Variants in SEMA6D observed in about 807,000 individuals in gnomAD.
SEMA6D encodes semaphorin-6D.
In SEMA6D, 35 loss-of-function variants were observed where a neutral mutation model predicts 106.6. The ratio of observed to expected loss-of-function variants is 0.33; its 90% CI spans 0.25 to 0.44. The LOEUF (loss-of-function observed/expected upper bound fraction) is 0.44, where lower values mean the gene tolerates loss of function less well. Among genes scored for constraint, SEMA6D ranks in the 20% least tolerant of loss-of-function variants. SEMA6D has a pLI of 1.00. For missense variants in SEMA6D, 1,185 were observed against 1,345.9 expected (o/e 0.88, Z 1.87); for synonymous variants, 499 against 487.7 (o/e 1.02, Z -0.31).
chr15:47,208,967 G>T (rs1255010982), intron 1 of SEMA6D, among the ~76,000 whole-genome samples: 1 of 152,204 alleles, frequency 6.6e-6, no homozygotes, highest in Non-Finnish European at 1.5e-5. Flanking sequence ...TAATAAGAAG[G>T]AGTCCAGTTT....
chr15:47,635,630 T>G (rs1238545642), intron 4 of SEMA6D, among the ~76,000 whole-genome samples: 2 of 152,194 alleles, frequency 1.3e-5, no homozygotes, highest in Non-Finnish European at 2.9e-5. Flanking sequence ...GATTGAGACT[T>G]TAACCTGTGT....
chr15:47,579,173 A>C, intron 3 of SEMA6D, among the ~76,000 whole-genome samples: 2 of 140,738 alleles, frequency 1.4e-5, no homozygotes, highest in African/African-American at 5.3e-5. Flanking sequence ...ACAGAATCTC[A>C]CCCTGTTACC....
intron 3 of SEMA6D, among the ~76,000 whole-genome samples, chr15:47,473,643 A>G (rs2042917962): frequency 6.6e-6 from 1 of 152,184 alleles, no homozygotes; most frequent in Non-Finnish European, 1.5e-5. Flanking sequence ...ATGCTTAAAA[A>G]GAAAGCTTCT....
rs763678500 is a variant in SEMA6D, at chr15:47,771,168, C to G, written c.2605C>G (p.His869Asp). 9.0e-5 allele frequency: 145 copies of G among 1,613,956 alleles called. No homozygotes were observed. Among genetic ancestry groups the G allele is most frequent in the Non-Finnish European group, 1.2e-4 (138 of 1,180,002 alleles). Residue 869 changes from histidine (H) to aspartate (D), a missense_variant, in exon 19 of 19, where the codon CAC becomes GAC. This residue lies in a region of SEMA6D where 750 missense variants were observed against 783.5 expected (regional missense o/e 0.96). Transcript: ENST00000536845. Reference sequence around the variant, plus strand: ...CACAAAGTCATCCAGTAAGAGAGATCACCGGCGTTCTGTTGATTCCAGAAA... The same window carrying G: ...CACAAAGTCATCCAGTAAGAGAGATGACCGGCGTTCTGTTGATTCCAGAAA... ...PLTKSSSKRDHRRSVDSRNTL... is the reference protein window; with the variant it reads ...PLTKSSSKRDDRRSVDSRNTL...
In SEMA6D at chr15:47,353,564, ACCT is replaced by A. The variant is rs1220519897; in HGVS notation, c.-238-58824_-238-58822del. On this transcript the variant is annotated intron_variant, in intron 1 of 19. Coordinates refer to the SEMA6D transcript ENST00000558014. The stretch of plus-strand genomic sequence containing the variant: ...TCTATGATTTCATCCAGACGAATTG[ACCT>A]CCTCATCCTCTAAACTTTAATACCA... Among the ~76,000 whole-genome samples the A allele has an allele frequency of 2.0e-5, 3 of 152,224 alleles. No homozygotes were observed. In the East Asian group the frequency reaches 5.8e-4, roughly 29 times the overall value.
chr15:47,595,189 G>C (rs529050300), intron 3 of SEMA6D, among the ~76,000 whole-genome samples: 23 of 152,230 alleles, frequency 1.5e-4, no homozygotes, highest in East Asian at 9.7e-4. Context: ...CACCATTGAG[G>C]TTAATGTCAG....
chr15:47,757,791 A>C (rs1027738123), intron 1 of SEMA6D, among the ~76,000 whole-genome samples: 1 of 151,992 alleles, frequency 6.6e-6, no homozygotes, highest in Non-Finnish European at 1.5e-5. Flanking sequence ...CCCTTATGAG[A>C]CTCTTAAAGT....
chr15:47,295,172 G>GTAAA (rs1448499411), intron 1 of SEMA6D, among the ~76,000 whole-genome samples: 1 of 152,114 alleles, frequency 6.6e-6, no homozygotes, highest in Non-Finnish European at 1.5e-5. Flanking sequence ...TAAAACAAAG[G>GTAAA]TAAATACACA....
chr15:47,237,491 A>C (rs1313410356), intron 1 of SEMA6D, among the ~76,000 whole-genome samples: 1 of 152,052 alleles, frequency 6.6e-6, no homozygotes, highest in African/African-American at 2.4e-5. Flanking sequence ...AGTAGTGTAC[A>C]ATGAGCAATG....
chr15:47,260,723 G>C (rs2034033346), intron 1 of SEMA6D, among the ~76,000 whole-genome samples: 2 of 152,080 alleles, frequency 1.3e-5, no homozygotes, highest in South Asian at 4.2e-4. Flanking sequence ...TGATTGTCCT[G>C]GTATTTCTTG....
chr15:47,440,912 T>A (rs1279306963), intron 2 of SEMA6D, among the ~76,000 whole-genome samples: 1 of 152,146 alleles, frequency 6.6e-6, no homozygotes, highest in African/African-American at 2.4e-5. Context: ...TTTATATTTA[T>A]AATTCTTTCT....
At chr15:47,463,309 A>G (rs2042566856) in intron 2 of SEMA6D, among the ~76,000 whole-genome samples, 1 of 152,102 alleles carries the variant, frequency 6.6e-6, no homozygotes, top group Non-Finnish European at 1.5e-5. Flanking sequence ...ACATACATGC[A>G]CCCTTTTCTT....
intron 1 of SEMA6D, among the ~76,000 whole-genome samples, chr15:47,325,778 G>C (rs1486204390): frequency 6.6e-6 from 1 of 152,134 alleles, no homozygotes; most frequent in Non-Finnish European, 1.5e-5. Flanking sequence ...CATTAGTGAA[G>C]AGACCAATTT....
At chr15:47,388,070 A>G (rs2039901164) in intron 1 of SEMA6D, among the ~76,000 whole-genome samples, 1 of 152,124 alleles carries the variant, frequency 6.6e-6, no homozygotes. Flanking sequence ...ATAGGTAGGA[A>G]AGGAGTGGGG....
chr15:47,586,891 T>TTTG (rs940243213), intron 3 of SEMA6D, among the ~76,000 whole-genome samples: 6 of 150,268 alleles, frequency 4.0e-5, no homozygotes, highest in Non-Finnish European at 5.9e-5. Flanking sequence ...TTGACAGGTT[T>TTTG]TTTTTTTTTT....
chr15:47,526,161 G>C (rs988927443), intron 3 of SEMA6D, among the ~76,000 whole-genome samples: 1 of 152,144 alleles, frequency 6.6e-6, no homozygotes, highest in African/African-American at 2.4e-5. Context: ...TTCCTTCCCT[G>C]CTACCAGCTG....
At chr15:47,730,353 T>C (rs2080036879) in intron 1 of SEMA6D, 1 of 1,449,532 alleles carries the variant, frequency 6.9e-7, no homozygotes, top group Admixed American at 1.7e-5. Flanking sequence ...GTGCAGGTCT[T>C]CCTGTGGACT....
chr15:47,188,862 C>T (rs962407483), intron 1 of SEMA6D, among the ~76,000 whole-genome samples: 4 of 152,144 alleles, frequency 2.6e-5, no homozygotes, highest in Non-Finnish European at 5.9e-5. Flanking sequence ...TCTAAAGATA[C>T]TTGTATTCTG....
At chr15:47,748,389 C>T (rs1285258248) in intron 1 of SEMA6D, among the ~76,000 whole-genome samples, 1 of 152,238 alleles carries the variant, frequency 6.6e-6, no homozygotes, top group Non-Finnish European at 1.5e-5. Flanking sequence ...GTGCCAGGCC[C>T]TGTGCCTGAT....
Sources: gnomAD v4.1 joint callset for allele counts (sites outside exome capture counted in the v4.1 genomes callset) on GRCh38, gnomAD v4.1.1 for gene constraint, gnomAD v4.1.1 regional missense constraint, MANE v1.5 for transcripts, NCBI Gene and HGNC (gene_info 2026-07-23, HGNC 2026-07-21) for gene names.